SPNS3: variants seen among roughly 807,000 people sequenced by gnomAD.
The protein encoded by SPNS3 is SPNS lysolipid transporter 3, sphingosine-1-phosphate (putative).
A neutral mutation model predicts 54.4 loss-of-function variants in SPNS3; 51 were observed. That is an observed-to-expected ratio of 0.94 (90% CI 0.75 to 1.18). SPNS3 has a LOEUF of 1.18. Ranked by LOEUF, SPNS3 falls within the 50% of genes most tolerant of loss-of-function variation. SPNS3 has a pLI of 0.00. For missense variants in SPNS3, 669 were observed against 677.4 expected, an observed-to-expected ratio of 0.99 and a Z score of 0.14; for synonymous variants, 309 against 294.7, an observed-to-expected ratio of 1.05 and a Z score of -0.50.
intron 8 of SPNS3, among the ~76,000 whole-genome samples, chr17:4,465,226 C>G (rs533671762): frequency 3.3e-5 from 5 of 152,152 alleles, no homozygotes; most frequent in Non-Finnish European, 7.3e-5. Flanking sequence ...GTACACCTGT[C>G]TGTGGCCTCT....
chr17:4,458,296 T>C lies in SPNS3; in HGVS notation c.1113+5091T>C, dbSNP rs188020627. Among the ~76,000 whole-genome samples, 18 of 152,272 alleles carry C rather than the reference T, an allele frequency of 1.2e-4. No individual in the cohort carries two copies. The East Asian group carries it at 3.5e-3, about 29-fold the overall frequency. On this transcript the variant is annotated intron_variant, in intron 8 of 11. Coordinates refer to ENST00000355530, the MANE Select transcript of SPNS3 (RefSeq NM_182538.5). ...CACTGCCAGAGTGAGCTAGCTAGCT[T>C]GCTTGCTTTTTCTTTCTTTTCTTTT... is the stretch of plus-strand genomic sequence containing the variant.
chr17:4,439,574 G>A lies in SPNS3; in HGVS notation c.200-84G>A, dbSNP rs1970796001. ...CCCTGTGCTGTGCTGGTCAGCTGTG[G>A]CCCTGTGCCAAACCTGGAGCAGCTG... On this transcript the variant is annotated intron_variant, in intron 1 of 11. Coordinates refer to ENST00000355530, the MANE Select transcript of SPNS3 (RefSeq NM_182538.5). 4.6e-6 allele frequency: 6 copies of A among 1,290,882 alleles called. No individual in the cohort carries two copies. The Admixed American group carries it at 9.7e-5, about 21-fold the overall frequency. 80.0% of individuals were successfully genotyped at this position (1,290,882 alleles called of 1,614,324 possible).
chr17:4,479,221 G>A (rs1336255750), intron 9 of SPNS3, among the ~76,000 whole-genome samples: 13 of 152,172 alleles, frequency 8.5e-5, no homozygotes, highest in Admixed American at 4.6e-4. Context: ...GATTACAGGC[G>A]TGAGCCACCG....
chr17:4,485,187 T>C (rs983659167), intron 9 of SPNS3: 1 of 152,126 alleles, frequency 6.6e-6, no homozygotes, highest in African/African-American at 2.4e-5. Context: ...CTCAGAGCGT[T>C]ATTTTGGTCT....
At chr17:4,441,744 CTGCCATCA>C in intron 2 of SPNS3, among the ~76,000 whole-genome samples, 1 of 150,916 alleles carries the variant, frequency 6.6e-6, no homozygotes, top group Non-Finnish European at 1.5e-5. Flanking sequence ...TTACAGGCAC[CTGCCATCA>C]TGCCAGGCTG....
rs1972372369 is a variant in SPNS3, at chr17:4,488,045, G to GA, written c.*151_*152insA. 1.5e-6 allele frequency: 1 copy of GA among 685,118 alleles called. No individual in the cohort carries two copies. The highest frequency in any genetic ancestry group is 2.5e-6 in the Non-Finnish European group (1 of 398,544). The allele number at this position is 685,118 out of a possible 1,614,324, so 42.4% of individuals were successfully genotyped here. On this transcript the variant is annotated 3_prime_UTR_variant, in exon 12 of 12. Coordinates refer to ENST00000355530, the MANE Select transcript of SPNS3 (RefSeq NM_182538.5). ...GGCTGGAGAGCTGGCAGGACCCTGTGGCTGGGCTGGGAATGGAGCTGTCAG... is the reference window on the plus strand; with the variant it reads ...GGCTGGAGAGCTGGCAGGACCCTGTGAGCTGGGCTGGGAATGGAGCTGTCAG...
chr17:4,458,204 GA>G (rs1227511909), intron 8 of SPNS3, among the ~76,000 whole-genome samples: 2 of 152,090 alleles, frequency 1.3e-5, no homozygotes, highest in Non-Finnish European at 2.9e-5. Flanking sequence ...AACTGTTCTA[GA>G]AGCCACCTTC....
chr17:4,446,235 T>C (rs1423916118), intron 4 of SPNS3, 36 bp downstream of exon 4: 3 of 1,581,350 alleles, frequency 1.9e-6, no homozygotes, highest in Non-Finnish European at 1.7e-6. Flanking sequence ...CCCCAGGTGG[T>C]AAACTGAGGC....
chr17:4,456,462 C>A (rs1001275085), intron 8 of SPNS3, among the ~76,000 whole-genome samples: 1 of 152,194 alleles, frequency 6.6e-6, no homozygotes, highest in Non-Finnish European at 1.5e-5. Context: ...CTCTTCTGCA[C>A]GTGCTCTTAT....
intron 8 of SPNS3, among the ~76,000 whole-genome samples, chr17:4,466,864 C>T (rs12150580): frequency 0.36 from 54,679 of 151,948 alleles, 10,527 homozygotes; most frequent in African/African-American, 0.49. Flanking sequence ...CAAACAAACA[C>T]CATAGTATGT....
At chr17:4,481,076 G>T (rs1424918620) in intron 9 of SPNS3, among the ~76,000 whole-genome samples, 1 of 152,106 alleles carries the variant, frequency 6.6e-6, no homozygotes, top group Non-Finnish European at 1.5e-5. Context: ...GCAGGACACC[G>T]AGGGTAGACA....
rs754027449 is a variant in SPNS3, at chr17:4,487,897, T to A, written c.*3T>A. 2.5e-6 allele frequency: 4 copies of A among 1,613,224 alleles called. No homozygotes were observed. The African/African-American group carries it at 5.3e-5, about 22-fold the overall frequency. Reference sequence around the variant, plus strand: ...GCGCCTCTACAGAGGAGCCCTGAGGTCCCTGCCTACACTCGTCCTGCCTGC... The same window carrying A: ...GCGCCTCTACAGAGGAGCCCTGAGGACCCTGCCTACACTCGTCCTGCCTGC... On this transcript the variant is annotated 3_prime_UTR_variant, in exon 12 of 12. Coordinates refer to ENST00000355530, the MANE Select transcript of SPNS3 (RefSeq NM_182538.5).
At chr17:4,471,438 T>G (rs1023834030) in intron 8 of SPNS3, among the ~76,000 whole-genome samples, 5 of 152,182 alleles carry the variant, frequency 3.3e-5, no homozygotes, top group South Asian at 2.1e-4. Context: ...TTTTGGTTCA[T>G]TTATTCGTGA....
At chr17:4,454,432 T>G (rs1254489476) in intron 8 of SPNS3, among the ~76,000 whole-genome samples, 1 of 152,216 alleles carries the variant, frequency 6.6e-6, no homozygotes, top group Non-Finnish European at 1.5e-5. Flanking sequence ...TTAACCAGGT[T>G]TACTGAGCAG....
rs754917721 is a variant in SPNS3, at chr17:4,446,095, G to A, written c.450G>A (p.Ser150=). The change falls in exon 4 of 12, where the codon TCG becomes TCA. Residue 150 remains serine (S), a synonymous_variant. Coordinates refer to ENST00000355530, the MANE Select transcript of SPNS3 (RefSeq NM_182538.5). ...FLSRGIVGTG[S]ASYSTIAPTV... ...CCCGGGGCATCGTGGGCACTGGCTC[G>A]GCCAGCTACTCCACCATCGCGCCCA... is the stretch of plus-strand genomic sequence containing the variant. 77 of 1,611,056 alleles carry A rather than the reference G, an allele frequency of 4.8e-5. No individual in the cohort carries two copies. The highest frequency in any genetic ancestry group is 4.6e-5 in the Non-Finnish European group (54 of 1,178,926).
intron 2 of SPNS3, among the ~76,000 whole-genome samples, chr17:4,440,149 TC>T (rs1335010162): frequency 2.6e-5 from 4 of 151,790 alleles, no homozygotes; most frequent in African/African-American, 9.7e-5. Flanking sequence ...GACAGGCACA[TC>T]CCCCCACATG....
At chr17:4,435,683 G>T (rs144191576) in intron 1 of SPNS3, among the ~76,000 whole-genome samples, 1 of 152,006 alleles carries the variant, frequency 6.6e-6, no homozygotes, top group Non-Finnish European at 1.5e-5. Flanking sequence ...AACCTCACAC[G>T]TCCTGCCTTC....
At chr17:4,436,214 C>T (rs1035024666) in intron 1 of SPNS3, among the ~76,000 whole-genome samples, 33 of 152,274 alleles carry the variant, frequency 2.2e-4, no homozygotes, top group Middle Eastern at 3.4e-3. Flanking sequence ...AGGGTGCCTG[C>T]AGCTGCCAGG....
chr17:4,479,817 G>A (rs1035215050), intron 9 of SPNS3, among the ~76,000 whole-genome samples: 34 of 152,234 alleles, frequency 2.2e-4, no homozygotes, highest in African/African-American at 6.8e-4. Flanking sequence ...CTGAGCCTCA[G>A]TATCCGGATG....
Sources: gnomAD v4.1 joint callset for allele counts (sites outside exome capture counted in the v4.1 genomes callset) on GRCh38, gnomAD v4.1.1 for gene constraint, MANE v1.5 for transcripts, NCBI Gene and HGNC (gene_info 2026-07-23, HGNC 2026-07-21) for gene names.